The following TMPRSS11E variants were observed in gnomAD, a reference collection of about 807,000 sequenced individuals.
The protein encoded by TMPRSS11E is transmembrane protease serine 11E.
In TMPRSS11E, 38 loss-of-function variants were observed where a neutral mutation model predicts 48.1. The observed-to-expected ratio is 0.79, with a 90% CI of 0.61 to 1.04. The LOEUF (loss-of-function observed/expected upper bound fraction) is 1.04, where lower values mean the gene tolerates loss of function less well. Ranked by LOEUF, TMPRSS11E falls within the 50% of genes least tolerant of loss-of-function variation. The pLI, the probability that TMPRSS11E is intolerant of heterozygous loss-of-function variation, is 0.00. For synonymous variants in TMPRSS11E, 158 were observed against 171.9 expected (o/e 0.92, Z 0.63); for missense variants, 530 against 510.8 (o/e 1.04, Z -0.36).
At position 68,473,518 on chromosome 4, in the gene TMPRSS11E, A is replaced by T. The variant is rs185528097; in HGVS notation, c.491-1205A>T. 7.4e-3 allele frequency among the ~76,000 whole-genome samples: 1,129 copies of T among 152,258 alleles called. 4 individuals are homozygous for T. The highest frequency in any genetic ancestry group is 0.017 in the Middle Eastern group (5 of 294). ...GATATATGCAAATGGAGTGGAAAGA[A>T]ACTATGGACACACTTATTGCACATA... On this transcript the variant is annotated intron_variant, in intron 5 of 9. Transcript: ENST00000305363.
At chr4:68,473,615 T>C (rs1226082235) in intron 5 of TMPRSS11E, among the ~76,000 whole-genome samples, 1 of 152,042 alleles carries the variant, frequency 6.6e-6, no homozygotes, top group East Asian at 1.9e-4. Context: ...CAAGATAAAA[T>C]TATTAAGAAT....
intron 2 of TMPRSS11E, among the ~76,000 whole-genome samples, chr4:68,464,188 C>T (rs1728868192): frequency 6.6e-6 from 1 of 152,140 alleles, no homozygotes; most frequent in Non-Finnish European, 1.5e-5. Flanking sequence ...TGTAAACTAA[C>T]CGAGTGGCTT....
chr4:68,452,866 A>G (rs937815766), intron 1 of TMPRSS11E, among the ~76,000 whole-genome samples: 1 of 151,996 alleles, frequency 6.6e-6, no homozygotes, highest in Non-Finnish European at 1.5e-5. Flanking sequence ...CCTTTTAAAA[A>G]CAGGGTAATG....
At chr4:68,462,025 T>G (rs1728804979) in intron 2 of TMPRSS11E, 80 bp downstream of exon 2, 1 of 1,550,132 alleles carries the variant, frequency 6.5e-7, no homozygotes, top group Admixed American at 1.7e-5. Context: ...TGCCTCAGGC[T>G]TATTCATTTA....
At chr4:68,450,353 T>C (rs1728460831) in intron 1 of TMPRSS11E, among the ~76,000 whole-genome samples, 1 of 151,948 alleles carries the variant, frequency 6.6e-6, no homozygotes, top group Non-Finnish European at 1.5e-5. Flanking sequence ...TTGCTTTCAT[T>C]CCTTTTAAAA....
chr4:68,474,994 A>G (rs936718590), intron 6 of TMPRSS11E, among the ~76,000 whole-genome samples: 5 of 152,118 alleles, frequency 3.3e-5, no homozygotes, highest in Non-Finnish European at 5.9e-5. Context: ...GCAGATGTGT[A>G]GTGGAATTGA....
chr4:68,453,068 T>C (rs915026070), intron 1 of TMPRSS11E, among the ~76,000 whole-genome samples: 1 of 151,898 alleles, frequency 6.6e-6, no homozygotes, highest in African/African-American at 2.4e-5. Flanking sequence ...GGCTAGAAGC[T>C]TCCTCTACCT....
chr4:68,452,018 T>A (rs1283549253), intron 1 of TMPRSS11E, among the ~76,000 whole-genome samples: 1 of 151,928 alleles, frequency 6.6e-6, no homozygotes, highest in Non-Finnish European at 1.5e-5. Flanking sequence ...TTATGGATGA[T>A]CTTTAAAGTA....
intron 4 of TMPRSS11E, among the ~76,000 whole-genome samples, chr4:68,470,261 A>G (rs915762803): frequency 5.9e-5 from 9 of 151,880 alleles, no homozygotes; most frequent in Non-Finnish European, 1.2e-4. Flanking sequence ...GAAGACCAAT[A>G]TTTAAGGTGA....
At position 68,490,705 on chromosome 4, in the gene TMPRSS11E, A is replaced by G. The variant is rs566090592; in HGVS notation, c.1111-5938A>G. On this transcript the variant is annotated intron_variant, in intron 9 of 9. Transcript: ENST00000305363. The stretch of plus-strand genomic sequence containing the variant: ...ATGGTTCTAGTAGATGGGGAGAGTT[A>G]TTCCTCATTACTGGGTGGTAGTTCA... 7.3e-5 allele frequency among the ~76,000 whole-genome samples: 10 copies of G among 137,694 alleles called. 1 individual carries two copies. In the South Asian group the frequency reaches 2.5e-3, roughly 35 times the overall value. The allele number at this position is 137,694 out of a possible 152,430, so 90.3% of individuals were successfully genotyped here. A position where few individuals can be genotyped will look rare whatever the true frequency, so the allele number is the denominator to read the frequency against.
At chr4:68,488,073 T>C (rs2603160) in intron 9 of TMPRSS11E, among the ~76,000 whole-genome samples, 90,818 of 151,806 alleles carry the variant, frequency 0.6, 28,169 homozygotes, top group East Asian at 0.83. Flanking sequence ...CCTGTCCCTT[T>C]GCTCTACTGC....
intron 9 of TMPRSS11E, among the ~76,000 whole-genome samples, chr4:68,479,240 A>G (rs930304359): frequency 1.4e-4 from 22 of 152,132 alleles, no homozygotes; most frequent in Non-Finnish European, 2.8e-4. Flanking sequence ...CCACCACTAC[A>G]GTTAAGATGA....
At chr4:68,474,845 A>T in intron 6 of TMPRSS11E, 84 bp downstream of exon 6, 1 of 1,116,102 alleles carries the variant, frequency 9.0e-7, no homozygotes, top group Non-Finnish European at 1.3e-6. Context: ...CTTTGTGTTG[A>T]TATCATAGGG....
At chr4:68,449,019 A>C (rs953208457) in intron 1 of TMPRSS11E, among the ~76,000 whole-genome samples, 1 of 151,794 alleles carries the variant, frequency 6.6e-6, no homozygotes, top group African/African-American at 2.4e-5. Flanking sequence ...ACTCAGAAAG[A>C]ATACAAGAAA....
chr4:68,496,620 C>G, intron 9 of TMPRSS11E, 23 bp from the exon 10 acceptor site: 1 of 1,596,852 alleles, frequency 6.3e-7, no homozygotes, highest in Non-Finnish European at 8.5e-7. Flanking sequence ...TTATGAATTA[C>G]TAATTTCTGT....
At chr4:68,450,514 G>A (rs1024537512) in intron 1 of TMPRSS11E, among the ~76,000 whole-genome samples, 18 of 151,940 alleles carry the variant, frequency 1.2e-4, no homozygotes, top group Non-Finnish European at 2.4e-4. Context: ...TCTTTGAGAA[G>A]TTTACAGAGA....
At chr4:68,459,912 G>C (rs1304179691) in intron 1 of TMPRSS11E, among the ~76,000 whole-genome samples, 1 of 152,180 alleles carries the variant, frequency 6.6e-6, no homozygotes, top group Non-Finnish European at 1.5e-5. Context: ...GAAGGAAGAA[G>C]AGTCAGTTTT....
chr4:68,469,505 G>A (rs958402002), intron 4 of TMPRSS11E, among the ~76,000 whole-genome samples: 8 of 151,962 alleles, frequency 5.3e-5, no homozygotes, highest in Admixed American at 2.6e-4. Flanking sequence ...AACAGAATAA[G>A]AATTATTTCC....
intron 9 of TMPRSS11E, among the ~76,000 whole-genome samples, chr4:68,483,859 A>C (rs1729477853): frequency 1.3e-5 from 2 of 152,198 alleles, no homozygotes; most frequent in African/African-American, 2.4e-5. Flanking sequence ...ATGGCTAGCC[A>C]GTTATACCCA....
Sources: gnomAD v4.1 joint callset for allele counts (sites outside exome capture counted in the v4.1 genomes callset) on GRCh38, gnomAD v4.1.1 for gene constraint, MANE v1.5 for transcripts, NCBI Gene and HGNC (gene_info 2026-07-23, HGNC 2026-07-21) for gene names.